The following TTLL9 variants were observed in gnomAD, a reference collection of about 807,000 sequenced individuals.
The protein encoded by TTLL9 is tubulin tyrosine ligase like 9.
Under a neutral mutation model 65.6 loss-of-function variants are expected in TTLL9, and 47 were observed. The observed-to-expected ratio is 0.72, with a 90% CI of 0.57 to 0.91. The LOEUF is 0.91. TTLL9 is among the 40% of genes least tolerant of loss of function. The probability of loss-of-function intolerance (pLI) is 0.00; values close to 1 mark genes in which losing one functional copy is unlikely to be tolerated. For missense variants in TTLL9, 537 were observed against 568.8 expected (o/e 0.94, Z 0.57); for synonymous variants, 179 against 204.8 (o/e 0.87, Z 1.07).
chr20:31,944,177 A>G lies in TTLL9; in HGVS notation c.*1156A>G. ...TCCCACTCATCCCTGTACCTGAGGC[A>G]CACCAACCCAGACAGGTCCAGGCAT... is the stretch of plus-strand genomic sequence containing the variant. On this transcript the variant is annotated 3_prime_UTR_variant, in exon 15 of 15. Coordinates refer to ENST00000535842, the MANE Select transcript of TTLL9 (RefSeq NM_001008409.5). 1 of 200,114 alleles carries G rather than the reference A, an allele frequency of 5.0e-6. No homozygotes were observed. The highest frequency in any genetic ancestry group is 1.1e-5 in the Non-Finnish European group (1 of 94,360). 12.4% of individuals were successfully genotyped at this position (200,114 alleles called of 1,614,324 possible).
chr20:31,922,372 C>G (rs1287387029), intron 7 of TTLL9, among the ~76,000 whole-genome samples: 1 of 152,112 alleles, frequency 6.6e-6, no homozygotes, highest in Non-Finnish European at 1.5e-5. Context: ...TGTTGTGCAA[C>G]CACCACCACC....
chr20:31,909,925 G>C lies in TTLL9; in HGVS notation c.504+3G>C. 6.3e-7 allele frequency: 1 copy of C among 1,577,528 alleles called. No individual in the cohort carries two copies. The highest frequency in any genetic ancestry group is 8.7e-7 in the Non-Finnish European group (1 of 1,152,960). Reference sequence around the variant, plus strand: ...GAATCACCTGGATCATGAAGCCTGTGAGTGCCCAGTGCCAGGGGCTGGGTG... The same window carrying C: ...GAATCACCTGGATCATGAAGCCTGTCAGTGCCCAGTGCCAGGGGCTGGGTG... On this transcript the variant is annotated splice_donor_region_variant and intron_variant, in intron 6 of 14. Coordinates refer to ENST00000535842, the MANE Select transcript of TTLL9 (RefSeq NM_001008409.5).
At position 31,934,931 on chromosome 20, in the gene TTLL9, A is replaced by G. The variant is rs1481717999; in HGVS notation, c.1004+43A>G. On this transcript the variant is annotated intron_variant, in intron 12 of 14. Transcript: ENST00000535842. The stretch of plus-strand genomic sequence containing the variant: ...AGAGCCAGGAGGTCATAGTTTGCAT[A>G]CTCGGCACCCAGACTGCCCAGGTTT... 14 of 1,567,912 alleles carry G rather than the reference A, an allele frequency of 8.9e-6. No homozygotes were observed. In the Middle Eastern group the frequency reaches 5.5e-4, roughly 62 times the overall value.
rs374561340 is a variant in TTLL9 at position 31,909,727 on chromosome 20, C to T, written c.319-10C>T. Reference sequence around the variant, plus strand: ...GGAGCTAATGGCCGCCTGTCCTTCCCGCCACCCAGCTGACCCGGAAGAACT... The same window carrying T: ...GGAGCTAATGGCCGCCTGTCCTTCCTGCCACCCAGCTGACCCGGAAGAACT... On this transcript the variant is annotated splice_polypyrimidine_tract_variant and intron_variant, in intron 5 of 14. Transcript: ENST00000535842. 1.4e-4 allele frequency: 219 copies of T among 1,611,638 alleles called. No homozygotes were observed. The highest frequency in any genetic ancestry group is 1.7e-4 in the Non-Finnish European group (202 of 1,178,872).
At chr20:31,887,160 A>G (rs1299023411) in intron 2 of TTLL9, 36 bp from the exon 3 acceptor site, 18 of 1,612,008 alleles carry the variant, frequency 1.1e-5, no homozygotes, top group Non-Finnish European at 1.5e-5. Context: ...GCAGATATAC[A>G]AAACCAGTTA....
At chr20:31,930,005 G>T (rs2063978786) in intron 10 of TTLL9, among the ~76,000 whole-genome samples, 1 of 152,158 alleles carries the variant, frequency 6.6e-6, no homozygotes. Context: ...GCAGGCGCCT[G>T]TAATCCCAGC....
intron 4 of TTLL9, among the ~76,000 whole-genome samples, chr20:31,899,892 G>C (rs1007159208): frequency 1.3e-5 from 2 of 151,938 alleles, no homozygotes; most frequent in African/African-American, 4.8e-5. Flanking sequence ...AGCCTCCCGA[G>C]TAGGACTACA....
At position 31,923,051 on chromosome 20, in the gene TTLL9, G is replaced by A. The variant is rs2063836607; in HGVS notation, c.662G>A (p.Gly221Glu). The part of the protein sequence containing the change: ...QRYIENPYLI[G>E]GRKFDLRVYV... ...TACATTGAAAATCCTTACCTGATAG[G>A]AGGTGAGATGGCTGTGTCTGCTCCT... The change falls in exon 8 of 15, where the codon GGA (glycine) becomes GAA (glutamate). Residue 221 changes from glycine (G) to glutamate (E), a missense_variant and splice_region_variant. Coordinates refer to ENST00000535842, the MANE Select transcript of TTLL9 (RefSeq NM_001008409.5). The A allele has an allele frequency of 1.2e-6, 2 of 1,610,614 alleles. No homozygotes were observed. The highest frequency in any genetic ancestry group is 1.3e-5 in the African/African-American group (1 of 74,974).
chr20:31,887,807 G>A lies in TTLL9; in HGVS notation c.113+568G>A, dbSNP rs192580818. The stretch of plus-strand genomic sequence containing the variant: ...GGAGTTAGAGGAGGTAGTTTACATA[G>A]CAAATGTTTTAGATAGTTTATTCTT... On this transcript the variant is annotated intron_variant, in intron 3 of 14. Coordinates refer to ENST00000535842, the MANE Select transcript of TTLL9 (RefSeq NM_001008409.5). 1.1e-3 allele frequency among the ~76,000 whole-genome samples: 172 copies of A among 149,994 alleles called. 2 individuals are homozygous for A. Among genetic ancestry groups the A allele is most frequent in the Admixed American group, 9.2e-3 (138 of 15,078 alleles).
At chr20:31,889,861 T>C (rs1323014118) in intron 3 of TTLL9, among the ~76,000 whole-genome samples, 1 of 152,028 alleles carries the variant, frequency 6.6e-6, no homozygotes, top group Non-Finnish European at 1.5e-5. Context: ...TGAGCCTTCA[T>C]GATTGTCTTG....
chr20:31,919,329 G>T (rs1234504001), intron 6 of TTLL9, among the ~76,000 whole-genome samples: 1 of 152,178 alleles, frequency 6.6e-6, no homozygotes, highest in Non-Finnish European at 1.5e-5. Flanking sequence ...GAGCTGCTAG[G>T]CACTGTGAGT....
In TTLL9 at chr20:31,873,847, AG is replaced by A. The variant is rs1217476384; in HGVS notation, c.69+2653del. ...AAGAAAGAAAGAAAGAAAGAAAGAA[AG>A]AAAGAAAGAAAGAAAGAAAGAAAGA... On this transcript the variant is annotated intron_variant, in intron 2 of 14. Transcript: ENST00000535842. Among the ~76,000 whole-genome samples the A allele has an allele frequency of 3.2e-3, 474 of 150,162 alleles. 5 individuals are homozygous for A. The highest frequency in any genetic ancestry group is 0.011 in the African/African-American group (446 of 40,728).
At position 31,909,749 on chromosome 20, in the gene TTLL9, A is replaced by T. The variant is rs746872950; in HGVS notation, c.331A>T (p.Asn111Tyr). ...TCCCGCCACCCAGCTGACCCGGAAG[A>T]ACTACATGGTGAAGAACCTGAAGCG... ...FRNHYELTRK[N>Y]YMVKNLKRFR... The change falls in exon 6 of 15, where the codon AAC (asparagine) becomes TAC (tyrosine). Residue 111 changes from asparagine to tyrosine, a missense_variant. By Grantham distance (143) the Asn-to-Tyr change is moderately radical. This residue lies in a region of TTLL9 where 320 missense variants were observed against 311.0 expected (regional missense o/e 1.03). Coordinates refer to ENST00000535842, the MANE Select transcript of TTLL9 (RefSeq NM_001008409.5). 2 of 1,613,866 alleles carry T rather than the reference A, an allele frequency of 1.2e-6. No homozygotes were observed. Among genetic ancestry groups the T allele is most frequent in the African/African-American group, 2.7e-5 (2 of 74,914 alleles).
chr20:31,898,683 G>A, intron 4 of TTLL9, 118 bp downstream of exon 4: 1 of 783,076 alleles, frequency 1.3e-6, no homozygotes, highest in Non-Finnish European at 2.1e-6. Flanking sequence ...AAGTGGCTGT[G>A]ACATTTATTT....
intron 8 of TTLL9, among the ~76,000 whole-genome samples, chr20:31,924,582 T>A (rs1600603462): frequency 6.9e-6 from 1 of 145,426 alleles, no homozygotes; most frequent in Middle Eastern, 3.5e-3. Flanking sequence ...ACCTTGTGCG[T>A]TTTTTTTGTT....
chr20:31,873,764 GAAAGAGAA>G (rs1320338276), intron 2 of TTLL9, among the ~76,000 whole-genome samples: 60 of 144,258 alleles, frequency 4.2e-4, no homozygotes, highest in African/African-American at 1.6e-3. Flanking sequence ...AAGAAAGAAA[GAAAGAGAA>G]AGAAAGAAAG....
chr20:31,916,137 C>G (rs781288067), intron 6 of TTLL9, among the ~76,000 whole-genome samples: 4 of 152,214 alleles, frequency 2.6e-5, no homozygotes, highest in Non-Finnish European at 5.9e-5. Context: ...AGGTGGGCCT[C>G]TCCCTGTGAC....
At chr20:31,925,197 A>G in intron 9 of TTLL9, 148 bp downstream of exon 9, 2 of 780,898 alleles carry the variant, frequency 2.6e-6, no homozygotes, top group Non-Finnish European at 4.1e-6. Context: ...ATCTAGGGAT[A>G]GGGTGGGGGC....
At chr20:31,873,252 C>G (rs1555799440) in intron 2 of TTLL9, among the ~76,000 whole-genome samples, 1 of 152,166 alleles carries the variant, frequency 6.6e-6, no homozygotes, top group Non-Finnish European at 1.5e-5. Context: ...CAGGGGTGTT[C>G]ACCAATTCAA....
Sources: allele counts gnomAD v4.1 joint callset (sites outside exome capture counted in the v4.1 genomes callset), GRCh38; gene constraint gnomAD v4.1.1; regional missense constraint gnomAD v4.1.1; transcripts MANE v1.5; gene names NCBI Gene and HGNC (gene_info 2026-07-23, HGNC 2026-07-21).